Variants in EXOC5 observed in about 807,000 individuals in gnomAD.
The protein encoded by EXOC5 is exocyst complex component 5.
In EXOC5, 17 loss-of-function variants were observed where a neutral mutation model predicts 90.8. The ratio of observed to expected loss-of-function variants is 0.19; its 90% CI spans 0.13 to 0.28. EXOC5 has a LOEUF of 0.28. Among genes scored for constraint, EXOC5 ranks in the 10% least tolerant of loss-of-function variants. The pLI, the probability that EXOC5 is intolerant of heterozygous loss-of-function variation, is 1.00. For synonymous variants in EXOC5, 260 were observed against 270.0 expected (o/e 0.96, Z 0.36); for missense variants, 569 against 830.6 (o/e 0.69, Z 3.87).
At chr14:57,216,622 C>G (rs910142748) in intron 15 of EXOC5, among the ~76,000 whole-genome samples, 8 of 152,060 alleles carry the variant, frequency 5.3e-5, no homozygotes, top group Non-Finnish European at 1.2e-4. Flanking sequence ...ATCTTATACT[C>G]TACACAAAAA....
intron 13 of EXOC5, among the ~76,000 whole-genome samples, chr14:57,221,698 A>G (rs1056584613): frequency 5.9e-5 from 9 of 152,134 alleles, no homozygotes; most frequent in African/African-American, 2.2e-4. Context: ...AAACTGACAT[A>G]CAATAATCAC....
chr14:57,230,938 A>C (rs538572735), intron 11 of EXOC5, among the ~76,000 whole-genome samples: 1 of 151,656 alleles, frequency 6.6e-6, no homozygotes, highest in Non-Finnish European at 1.5e-5. Context: ...AAACTATGGA[A>C]CTTTTTATAT....
chr14:57,251,005 A>G (rs143038668), intron 1 of EXOC5, among the ~76,000 whole-genome samples: 1 of 152,328 alleles, frequency 6.6e-6, no homozygotes, highest in East Asian at 1.9e-4. Context: ...AATAAAACAG[A>G]CAGGATTCTG....
At chr14:57,242,138 A>AAAAAAAAAG (rs368841928) in intron 4 of EXOC5, among the ~76,000 whole-genome samples, 2 of 150,562 alleles carry the variant, frequency 1.3e-5, no homozygotes, top group African/African-American at 4.9e-5. Context: ...GTCTGAAAAA[A>AAAAAAAAAG]AAAAAAAAGA....
chr14:57,220,487 C>A (rs1883096185), intron 13 of EXOC5, among the ~76,000 whole-genome samples: 1 of 151,992 alleles, frequency 6.6e-6, no homozygotes, highest in African/African-American at 2.4e-5. Context: ...CACAAACAGT[C>A]CAGCAGCGGC....
chr14:57,255,122 A>T (rs1055940340), intron 1 of EXOC5, among the ~76,000 whole-genome samples: 2 of 152,162 alleles, frequency 1.3e-5, no homozygotes, highest in African/African-American at 4.8e-5. Context: ...ACATGAACAA[A>T]GCAGACACAG....
At position 57,232,718 on chromosome 14, in the gene EXOC5, C is replaced by T; in HGVS notation, c.887G>A (p.Arg296Lys). The T allele has an allele frequency of 6.5e-7, 1 of 1,548,110 alleles. No individual in the cohort carries two copies. Among genetic ancestry groups the T allele is most frequent in the Non-Finnish European group, 8.8e-7 (1 of 1,131,756 alleles). Reference sequence around the variant, plus strand: ...GAGATATTGCTCTGCATCGGACTTCCTACATTCTTCTAACTGCTCTTTCAC... The same window carrying T: ...GAGATATTGCTCTGCATCGGACTTCTTACATTCTTCTAACTGCTCTTTCAC... ...SFVKEQLEEC[R>K]KSDAEQYLKN... Residue 296 changes from arginine (R) to lysine (K), a missense_variant, in exon 10 of 18, where the codon AGG becomes AAG. Arg to Lys is a conservative substitution (Grantham distance 26). This residue lies in a region of EXOC5 where 114 missense variants were observed against 111.2 expected (regional missense o/e 1.03). Coordinates refer to ENST00000621441, the MANE Select transcript of EXOC5 (RefSeq NM_006544.4).
intron 11 of EXOC5, among the ~76,000 whole-genome samples, chr14:57,231,094 C>T (rs1454414977): frequency 6.6e-6 from 1 of 151,512 alleles, no homozygotes; most frequent in African/African-American, 2.4e-5. Context: ...CTGCAACCTC[C>T]GTCTCCCAGG....
chr14:57,234,886 T>C (rs1883612256), intron 7 of EXOC5, among the ~76,000 whole-genome samples: 1 of 152,160 alleles, frequency 6.6e-6, no homozygotes, highest in Non-Finnish European at 1.5e-5. Context: ...TTGGTTTTCC[T>C]TGCAAGAATC....
rs1160922472 is a variant in EXOC5 at position 57,222,748 on chromosome 14, TACAC to T, written c.1297-336_1297-333del. Among the ~76,000 whole-genome samples, 11 of 147,184 alleles carry T rather than the reference TACAC, an allele frequency of 7.5e-5. No individual in the cohort carries two copies. The South Asian group carries it at 1.7e-3, about 23-fold the overall frequency. ...TATTATATACACACACATATATATA[TACAC>T]ACACACACACATATATATATATATA... On this transcript the variant is annotated intron_variant, in intron 12 of 17. Transcript: ENST00000621441.
intron 14 of EXOC5, among the ~76,000 whole-genome samples, chr14:57,218,386 G>C (rs1294277145): frequency 6.6e-6 from 1 of 151,966 alleles, no homozygotes; most frequent in Non-Finnish European, 1.5e-5. Flanking sequence ...GAATTATTTG[G>C]TTTTCTTTAT....
chr14:57,244,112 T>G, intron 4 of EXOC5, 53 bp downstream of exon 4: 4 of 1,200,204 alleles, frequency 3.3e-6, no homozygotes, highest in Non-Finnish European at 4.9e-6. Context: ...AGCTCATAAT[T>G]AGGGCACTGT....
chr14:57,245,232 C>T (rs1296037321), intron 3 of EXOC5, among the ~76,000 whole-genome samples: 1 of 151,810 alleles, frequency 6.6e-6, no homozygotes. Flanking sequence ...TTGTAATTGC[C>T]AACAGTGGAA....
chr14:57,222,593 C>T (rs1883178801), intron 12 of EXOC5, among the ~76,000 whole-genome samples, 177 bp from the exon 13 acceptor site: 1 of 151,654 alleles, frequency 6.6e-6, no homozygotes, highest in Non-Finnish European at 1.5e-5. Context: ...AATTACAATG[C>T]TCCATATTTA....
In EXOC5 at chr14:57,208,696, A is replaced by G. The variant is rs549583443; in HGVS notation, c.2040T>C (p.Leu680=). ...GAAGTATATTCTTGTCCAGATTAGC[A>G]AGTTGTTCTCCTGAGCAGACTTGCT... The part of the protein sequence containing the change: ...NLKQVCSGEQ[L]ANLDKNILHS... The change falls in exon 18 of 18, where the codon CTT becomes CTC. Residue 680 remains leucine (L), a synonymous_variant. Coordinates refer to ENST00000621441, the MANE Select transcript of EXOC5 (RefSeq NM_006544.4). The G allele has an allele frequency of 1.0e-4, 168 of 1,612,692 alleles. No individual in the cohort carries two copies. The South Asian group carries it at 1.8e-3, about 17-fold the overall frequency.
chr14:57,239,738 A>C, intron 4 of EXOC5, 79 bp from the exon 5 acceptor site: 2 of 829,514 alleles, frequency 2.4e-6, no homozygotes, highest in East Asian at 5.5e-5. Flanking sequence ...TGAAATTAGT[A>C]ATATCTCCCT....
At chr14:57,226,432 C>T (rs1883310411) in intron 12 of EXOC5, among the ~76,000 whole-genome samples, 1 of 152,114 alleles carries the variant, frequency 6.6e-6, no homozygotes, top group Non-Finnish European at 1.5e-5. Flanking sequence ...CTTATAATGG[C>T]ATCAAAATAT....
chr14:57,267,024 A>T (rs1884690866), intron 1 of EXOC5, among the ~76,000 whole-genome samples: 1 of 152,170 alleles, frequency 6.6e-6, no homozygotes, highest in South Asian at 2.1e-4. Context: ...TTCAGTTAAG[A>T]GCTGGCTTGC....
intron 1 of EXOC5, among the ~76,000 whole-genome samples, chr14:57,248,624 C>A: frequency 6.6e-6 from 1 of 152,094 alleles, no homozygotes; most frequent in East Asian, 1.9e-4. Flanking sequence ...GACTAATACA[C>A]ACTAATTTAC....
Sources: allele counts gnomAD v4.1 joint callset (sites outside exome capture counted in the v4.1 genomes callset), GRCh38; gene constraint gnomAD v4.1.1; regional missense constraint gnomAD v4.1.1; transcripts MANE v1.5; gene names NCBI Gene and HGNC (gene_info 2026-07-23, HGNC 2026-07-21).